LRP5: variants seen among roughly 807,000 people sequenced by gnomAD.
LRP5 encodes LDL receptor related protein 5.
LRP5 carries 62 observed loss-of-function variants against 154.1 expected under a neutral mutation model. That is an observed-to-expected ratio of 0.40 (90% CI 0.33 to 0.50). The LOEUF (loss-of-function observed/expected upper bound fraction) is 0.50, where lower values mean the gene tolerates loss of function less well. Ranked by LOEUF, LRP5 falls within the 20% of genes least tolerant of loss-of-function variation. The pLI is 0.55. For missense variants in LRP5, 1,915 were observed against 2,336.7 expected, an observed-to-expected ratio of 0.82 and a Z score of 3.72; for synonymous variants, 966 against 1,011.5, an observed-to-expected ratio of 0.96 and a Z score of 0.85.
In LRP5 at chr11:68,436,894, T is replaced by G; in HGVS notation, c.4006T>G (p.Cys1336Gly). The change falls in exon 19 of 23, where the codon TGC (cysteine) becomes GGC (glycine). Residue 1336 changes from cysteine (C) to glycine (G), a missense_variant. Around this residue, in one of 3 missense-constraint regions of LRP5, gnomAD observed 1,094 missense variants for 1,210.1 expected, o/e 0.90. Coordinates refer to ENST00000294304, the MANE Select transcript of LRP5 (RefSeq NM_002335.4). ...TGCATGGCCTCTCCTTGCAGCCATC[T>G]GCCTGCCCAACCAGTTCCGGTGTGC... ...RSDEADCDAI[C>G]LPNQFRCASG... 6.2e-7 allele frequency: 1 copy of G among 1,613,614 alleles called. No homozygotes were observed. The highest frequency in any genetic ancestry group is 1.1e-5 in the South Asian group (1 of 91,090).
At position 68,406,720 on chromosome 11, in the gene LRP5, C is replaced by T. The variant is rs762411916; in HGVS notation, c.1998C>T (p.Asp666=). ...HRISLETNNN[D]VAIPLTGVKE... is the part of the protein sequence containing the mutation. The stretch of plus-strand genomic sequence containing the variant: ...TCTCCCTCGAGACCAATAACAACGA[C>T]GTGGCCATCCCGCTCACGGGCGTCA... Residue 666 remains aspartate (D), a synonymous_variant, in exon 9 of 23, where the codon GAC becomes GAT. Coordinates refer to ENST00000294304, the MANE Select transcript of LRP5 (RefSeq NM_002335.4). 2 of 1,614,066 alleles carry T rather than the reference C, an allele frequency of 1.2e-6. No homozygotes were observed. The highest frequency in any genetic ancestry group is 1.7e-5 in the Admixed American group (1 of 60,012).
intron 21 of LRP5, among the ~76,000 whole-genome samples, chr11:68,443,292 C>T (rs1215476034): frequency 6.6e-6 from 1 of 151,008 alleles, no homozygotes; most frequent in African/African-American, 2.4e-5. Flanking sequence ...CACTTGAGGC[C>T]GGGAGTTTGA....
intron 1 of LRP5, among the ~76,000 whole-genome samples, chr11:68,321,535 G>T (rs1408407900): frequency 2.0e-5 from 3 of 152,108 alleles, no homozygotes; most frequent in Non-Finnish European, 2.9e-5. Context: ...GAATTCATCT[G>T]CTGGGTGCAG....
intron 7 of LRP5, among the ~76,000 whole-genome samples, chr11:68,397,972 T>TGTGTGTGTGTGTGTG (rs2098650381): frequency 1.3e-4 from 19 of 142,192 alleles, no homozygotes; most frequent in African/African-American, 1.8e-4. Context: ...CTGTGTGTGT[T>TGTGTGTGTGTGTGTG]TGTGTGTGTG....
chr11:68,308,707 A>C (rs2098585512), upstream of LRP5, among the ~76,000 whole-genome samples: 1 of 151,384 alleles, frequency 6.6e-6, no homozygotes. Context: ...GGGACCTTGC[A>C]GTAGTGTGCT....
chr11:68,347,106 G>T (rs1179166216), intron 1 of LRP5, among the ~76,000 whole-genome samples: 1 of 152,238 alleles, frequency 6.6e-6, no homozygotes, highest in East Asian at 1.9e-4. Context: ...GTGTAGGTGA[G>T]GCCAGAGGCC....
chr11:68,409,610 G>A (rs1047679909), intron 9 of LRP5, among the ~76,000 whole-genome samples: 42 of 151,938 alleles, frequency 2.8e-4, no homozygotes, highest in African/African-American at 1.0e-3. Flanking sequence ...ACTTTGGGAG[G>A]CTGAGGCAGG....
intron 7 of LRP5, among the ~76,000 whole-genome samples, chr11:68,398,760 G>A (rs1273502913): frequency 6.6e-6 from 1 of 152,024 alleles, no homozygotes; most frequent in Non-Finnish European, 1.5e-5. Context: ...TCTTGAGACA[G>A]GGTCTCGCTC....
chr11:68,404,233 T>C, intron 8 of LRP5: 1 of 503,474 alleles, frequency 2.0e-6, no homozygotes, highest in Non-Finnish European at 3.9e-6. Context: ...GTGACAGAGT[T>C]ACACTGGAGA....
At chr11:68,427,265 G>A (rs1045595322) in intron 16 of LRP5, among the ~76,000 whole-genome samples, 1 of 152,152 alleles carries the variant, frequency 6.6e-6, no homozygotes, top group Non-Finnish European at 1.5e-5. Flanking sequence ...CCAGGGCTTG[G>A]GGGAGGGGCC....
intron 18 of LRP5, among the ~76,000 whole-genome samples, chr11:68,434,072 C>A (rs900084178): frequency 6.6e-6 from 1 of 152,188 alleles, no homozygotes. Flanking sequence ...CACCTTCCTG[C>A]ATTAGGTCAG....
At chr11:68,364,358 ATGTGTGTGTGTG>A (rs113821152) in intron 4 of LRP5, among the ~76,000 whole-genome samples, 3 of 145,426 alleles carry the variant, frequency 2.1e-5, no homozygotes, top group Admixed American at 6.9e-5. Flanking sequence ...ATACATATAT[ATGTGTGTGTGTG>A]TGTGTGTGTG....
At chr11:68,382,484 G>A (rs2098640771) in intron 5 of LRP5, among the ~76,000 whole-genome samples, 1 of 152,198 alleles carries the variant, frequency 6.6e-6, no homozygotes, top group Non-Finnish European at 1.5e-5. Flanking sequence ...TCACAGTACA[G>A]TTCGTGGCTA....
In LRP5 at chr11:68,381,480, G is replaced by A. The variant is rs573048709; in HGVS notation, c.1016-4836G>A. On this transcript the variant is annotated intron_variant, in intron 5 of 22. Coordinates refer to ENST00000294304, the MANE Select transcript of LRP5 (RefSeq NM_002335.4). ...ATAAGGCTGCCTGCCAGGAAGCTGT[G>A]CCCTGCCTGGCCCTTGCCCCAAGCC... 9.9e-5 allele frequency among the ~76,000 whole-genome samples: 15 copies of A among 152,236 alleles called. No homozygotes were observed. In the East Asian group the frequency reaches 1.6e-3, roughly 16 times the overall value.
chr11:68,435,998 T>G (rs1395205491), intron 18 of LRP5, among the ~76,000 whole-genome samples: 1 of 152,228 alleles, frequency 6.6e-6, no homozygotes, highest in Non-Finnish European at 1.5e-5. Context: ...AGTGCCATGA[T>G]TACAGATGTG....
Position 68,449,205 on chromosome 11 carries a change from T to TTG in LRP5, c.*135_*136insTG. The TTG allele has an allele frequency of 1.7e-5, 6 of 355,584 alleles. No homozygotes were observed. Among genetic ancestry groups the TTG allele is most frequent in the African/African-American group, 6.4e-5 (3 of 47,140 alleles). 22.0% of individuals were successfully genotyped at this position (355,584 alleles called of 1,614,324 possible). A position where few individuals can be genotyped will look rare whatever the true frequency, so the allele number is the denominator to read the frequency against. ...AAAACATGAGAAATGTGAACTGTGA[T>TTG]GGGGTGGGCAGGGCTGGGAGAACTT... On this transcript the variant is annotated 3_prime_UTR_variant, in exon 23 of 23. Coordinates refer to ENST00000294304, the MANE Select transcript of LRP5 (RefSeq NM_002335.4).
intron 21 of LRP5, among the ~76,000 whole-genome samples, chr11:68,442,202 A>G (rs2098678563): frequency 6.6e-6 from 1 of 152,258 alleles, no homozygotes; most frequent in Non-Finnish European, 1.5e-5. Flanking sequence ...GCTGCCTGCC[A>G]TCTTGCATGA....
At chr11:68,437,118 C>T (rs549794611) in intron 19 of LRP5, 119 bp downstream of exon 19, 165 of 830,244 alleles carry the variant, frequency 2.0e-4, no homozygotes, top group African/African-American at 5.2e-4. Context: ...GAGACTCAGG[C>T]GGCTGGGAGG....
At chr11:68,312,152 C>A (rs1487656763), upstream of LRP5, among the ~76,000 whole-genome samples, 1 of 152,234 alleles carries the variant, frequency 6.6e-6, no homozygotes. Flanking sequence ...CACTCCCAGC[C>A]GGCCACTTCT....
Sources: allele counts gnomAD v4.1 joint callset (sites outside exome capture counted in the v4.1 genomes callset), GRCh38; gene constraint gnomAD v4.1.1; regional missense constraint gnomAD v4.1.1; transcripts MANE v1.5; gene names NCBI Gene and HGNC (gene_info 2026-07-23, HGNC 2026-07-21).